Variants in TNRC6A observed in about 807,000 individuals in gnomAD.
The protein encoded by TNRC6A is trinucleotide repeat containing adaptor 6A.
In TNRC6A, 44 loss-of-function variants were observed where a neutral mutation model predicts 221.2. That is an observed-to-expected ratio of 0.20 (90% CI 0.16 to 0.26). TNRC6A has a LOEUF of 0.26. Among genes scored for constraint, TNRC6A ranks in the 10% least tolerant of loss-of-function variants. The pLI, the probability that TNRC6A is intolerant of heterozygous loss-of-function variation, is 1.00. For synonymous variants in TNRC6A, 847 were observed against 838.5 expected, an observed-to-expected ratio of 1.01 and a Z score of -0.18; for missense variants, 2,199 against 2,404.4, an observed-to-expected ratio of 0.91 and a Z score of 1.79.
intron 2 of TNRC6A, among the ~76,000 whole-genome samples, chr16:24,651,123 G>A (rs146380122): frequency 3.6e-4 from 54 of 149,084 alleles, no homozygotes; most frequent in African/African-American, 1.0e-3. Context: ...GATGTTTCCC[G>A]CAACATTGTT....
intron 2 of TNRC6A, among the ~76,000 whole-genome samples, chr16:24,739,705 C>T (rs1298038923): frequency 6.6e-6 from 1 of 152,024 alleles, no homozygotes; most frequent in African/African-American, 2.4e-5. Context: ...CCTTGAACTC[C>T]TGACCTCAAA....
intron 2 of TNRC6A, among the ~76,000 whole-genome samples, chr16:24,665,534 C>G (rs1349825582): frequency 1.3e-5 from 2 of 152,172 alleles, no homozygotes; most frequent in African/African-American, 4.8e-5. Context: ...ACAGTCATAA[C>G]AATAGTCTTG....
upstream of TNRC6A, among the ~76,000 whole-genome samples, chr16:24,726,762 G>T (rs2056499551): frequency 6.6e-6 from 1 of 152,098 alleles, no homozygotes; most frequent in African/African-American, 2.4e-5. Flanking sequence ...GAGTTTGTGT[G>T]GTGATGGGAA....
intron 2 of TNRC6A, among the ~76,000 whole-genome samples, chr16:24,682,940 A>G (rs531341417): frequency 1.3e-5 from 2 of 152,260 alleles, no homozygotes; most frequent in South Asian, 4.1e-4. Context: ...AACCCTCACA[A>G]TAATCCTTCA....
At chr16:24,806,015 A>G (rs537091200) in intron 15 of TNRC6A, among the ~76,000 whole-genome samples, 191 bp from the exon 16 acceptor site, 1 of 152,180 alleles carries the variant, frequency 6.6e-6, no homozygotes, top group Non-Finnish European at 1.5e-5. Flanking sequence ...TTTAGATTGA[A>G]CTAAAGACTG....
At chr16:24,811,897 A>G (rs898280311) in intron 18 of TNRC6A, among the ~76,000 whole-genome samples, 26 of 152,036 alleles carry the variant, frequency 1.7e-4, no homozygotes, top group Admixed American at 3.3e-4. Context: ...TAGATTGTAC[A>G]CATTGGACTA....
At chr16:24,797,626 C>T (rs958975751) in intron 10 of TNRC6A, 56 bp downstream of exon 10, 4 of 1,328,078 alleles carry the variant, frequency 3.0e-6, no homozygotes, top group African/African-American at 1.5e-5. Flanking sequence ...CATGATTTAT[C>T]TTGATTTCAC....
intron 2 of TNRC6A, among the ~76,000 whole-genome samples, chr16:24,661,160 G>T (rs1386267680): frequency 6.6e-6 from 1 of 152,028 alleles, no homozygotes; most frequent in African/African-American, 2.4e-5. Context: ...TGAATTCTGA[G>T]ATTTTAGTGC....
Position 24,809,468 on chromosome 16 carries a change from C to T in TNRC6A, c.4659C>T (p.Asn1553=), listed in dbSNP as rs779372699. The T allele has an allele frequency of 6.4e-7, 1 of 1,555,492 alleles. No homozygotes were observed. Among genetic ancestry groups the T allele is most frequent in the Admixed American group, 1.8e-5 (1 of 54,946 alleles). ...SISVNTSLDQ[N]SSKHGAISSG... ...CTGTGAACACATCTTTGGATCAAAA[C>T]TCCAGCAAACATGGTACAAAAGATA... The change falls in exon 18 of 25, where the codon AAC becomes AAT. Residue 1553 remains asparagine, a synonymous_variant. Transcript: ENST00000395799.
Position 24,790,415 on chromosome 16 carries a change from C to T in TNRC6A, c.1773C>T (p.Gly591=), listed in dbSNP as rs772548711. The T allele has an allele frequency of 6.2e-6, 10 of 1,614,134 alleles. No homozygotes were observed. The highest frequency in any genetic ancestry group is 2.2e-5 in the South Asian group (2 of 91,090). Residue 591 remains glycine, a synonymous_variant, in exon 6 of 25, where the codon GGC becomes GGT. Transcript: ENST00000395799. ...SQSTSWGSGN[G]ANSGGSRRGW... ...GTACATCATGGGGAAGTGGAAATGG[C>T]GCAAATTCTGGAGGAAGTCGAAGAG...
intron 6 of TNRC6A, chr16:24,793,238 C>G (rs886277945): frequency 6.4e-6 from 2 of 310,862 alleles, no homozygotes; most frequent in Non-Finnish European, 1.2e-5. Context: ...AGCTCTAGGT[C>G]TAGAGGGTAA....
At position 24,777,096 on chromosome 16, in the gene TNRC6A, ACAGCAGCAGCCACAGCCGCAGCCGCAG is replaced by A. The variant is rs780397192; in HGVS notation, c.344_370del (p.Pro115_Gln123del). 94 of 1,445,234 alleles carry A rather than the reference ACAGCAGCAGCCACAGCCGCAGCCGCAG, an allele frequency of 6.5e-5. 2 individuals carry two copies. The South Asian group carries it at 7.7e-4, about 12-fold the overall frequency. The allele number at this position is 1,445,234 out of a possible 1,614,324, so 89.5% of individuals were successfully genotyped here. ...AGCAGCAGCCGCAGCAGCAGCAGCCACAGCAGCAGCCACAGCCGCAGCCGCAGCAGCAGCAGCCACAGCAGCAGCCAC... is the reference window on the plus strand; with the variant it reads ...AGCAGCAGCCGCAGCAGCAGCAGCCACAGCAGCAGCCACAGCAGCAGCCAC... On this transcript the variant is annotated inframe_deletion, in exon 5 of 25. Coordinates refer to ENST00000395799, the MANE Select transcript of TNRC6A (RefSeq NM_014494.4).
At chr16:24,735,159 G>A (rs1454487156) in intron 2 of TNRC6A, among the ~76,000 whole-genome samples, 1 of 152,218 alleles carries the variant, frequency 6.6e-6, no homozygotes, top group South Asian at 2.1e-4. Flanking sequence ...GCATGTGCCT[G>A]TAATCCCAGC....
In TNRC6A at chr16:24,797,569, C is replaced by T. The variant is rs2058244513; in HGVS notation, c.3641C>T (p.Ser1214Leu). 5 of 1,607,946 alleles carry T rather than the reference C, an allele frequency of 3.1e-6. No homozygotes were observed. The highest frequency in any genetic ancestry group is 2.2e-5 in the South Asian group (2 of 89,710). ...FVKQFSNISF[S>L]RDSPEENVQS... The stretch of plus-strand genomic sequence containing the variant: ...AAACAGTTTTCAAACATCAGTTTTT[C>T]GGTAAGTATGTTTTCTTAGCAGCTC... The change falls in exon 10 of 25, where the codon TCG (serine) becomes TTG (leucine). Residue 1214 changes from serine to leucine, a missense_variant and splice_region_variant. Ser to Leu is a moderately radical substitution (Grantham distance 145). Coordinates refer to ENST00000395799, the MANE Select transcript of TNRC6A (RefSeq NM_014494.4).
chr16:24,694,837 G>A (rs962601079), intron 2 of TNRC6A, among the ~76,000 whole-genome samples: 2 of 151,970 alleles, frequency 1.3e-5, no homozygotes, highest in Admixed American at 6.6e-5. Flanking sequence ...GGAGGCTGAG[G>A]CAGGAGGATC....
chr16:24,708,449 G>A (rs944245992), intron 2 of TNRC6A, among the ~76,000 whole-genome samples: 1 of 152,008 alleles, frequency 6.6e-6, no homozygotes, highest in Non-Finnish European at 1.5e-5. Flanking sequence ...CACCATGTTA[G>A]CCAGGATGGT....
At chr16:24,722,615 G>A (rs2056429451) in intron 2 of TNRC6A, among the ~76,000 whole-genome samples, 1 of 151,958 alleles carries the variant, frequency 6.6e-6, no homozygotes, top group South Asian at 2.1e-4. Context: ...TGTATTTTTA[G>A]TGGAGACAGG....
At chr16:24,639,508 G>A (rs2141738700) in intron 1 of TNRC6A, among the ~76,000 whole-genome samples, 1 of 151,788 alleles carries the variant, frequency 6.6e-6, no homozygotes, top group Non-Finnish European at 1.5e-5. Flanking sequence ...ACATGAGAAA[G>A]ACTAAGATAT....
At chr16:24,664,920 C>T (rs2055124766) in intron 2 of TNRC6A, 3 of 455,846 alleles carry the variant, frequency 6.6e-6, no homozygotes, top group South Asian at 3.1e-5. Flanking sequence ...GAAGTGACGA[C>T]AGACAGAAGC....
Sources: gnomAD v4.1 joint callset for allele counts (sites outside exome capture counted in the v4.1 genomes callset) on GRCh38, gnomAD v4.1.1 for gene constraint, MANE v1.5 for transcripts, NCBI Gene and HGNC (gene_info 2026-07-23, HGNC 2026-07-21) for gene names.